The following RIMS1 variants were observed in gnomAD, a reference collection of about 807,000 sequenced individuals.
RIMS1 encodes the protein regulating synaptic membrane exocytosis protein 1.
RIMS1 carries 83 observed loss-of-function variants against 214.1 expected under a neutral mutation model. The ratio of observed to expected loss-of-function variants is 0.39; its 90% CI spans 0.32 to 0.47. The LOEUF is 0.47. RIMS1 is among the 20% of genes least tolerant of loss of function. The pLI is 0.99. For missense variants in RIMS1, 2,050 were observed against 2,161.8 expected (o/e 0.95, Z 1.03); for synonymous variants, 793 against 786.8 (o/e 1.01, Z -0.13).
At chr6:71,947,275 T>C (rs923942786) in intron 1 of RIMS1, among the ~76,000 whole-genome samples, 4 of 152,116 alleles carry the variant, frequency 2.6e-5, no homozygotes, top group African/African-American at 9.6e-5. Flanking sequence ...GAAACATTAT[T>C]CACAATAGCC....
chr6:72,248,811 T>C (rs1292813452), intron 12 of RIMS1, among the ~76,000 whole-genome samples: 2 of 151,688 alleles, frequency 1.3e-5, no homozygotes, highest in Non-Finnish European at 2.9e-5. Flanking sequence ...TGTGGTTTTC[T>C]CTTGATTTTA....
At chr6:72,085,661 A>G (rs756510691) in intron 2 of RIMS1, among the ~76,000 whole-genome samples, 4 of 152,154 alleles carry the variant, frequency 2.6e-5, no homozygotes, top group Non-Finnish European at 4.4e-5. Context: ...AATTTGCACC[A>G]GAACTACTAA....
At chr6:72,254,597 C>A (rs2074992095) in intron 16 of RIMS1, among the ~76,000 whole-genome samples, 1 of 152,172 alleles carries the variant, frequency 6.6e-6, no homozygotes, top group African/African-American at 2.4e-5. Context: ...TCCCAAATTT[C>A]ATTCACCTGA....
Position 72,182,590 on chromosome 6 carries a change from G to C in RIMS1, c.1119G>C (p.Gln373His). Reference sequence around the variant, plus strand: ...CGGTGAAACCGCCGCCTGAGGAGCAGCAGATGCGCATGCACGCCCGGGTGT... The same window carrying C: ...CGGTGAAACCGCCGCCTGAGGAGCACCAGATGCGCATGCACGCCCGGGTGT... ...RYPVKPPPEE[Q>H]QMRMHARVSR... The change falls in exon 6 of 34, where the codon CAG becomes CAC. Residue 373 changes from glutamine to histidine, a missense_variant. Physicochemically the swap from Gln to His is conservative, Grantham distance 24. This residue lies in a region of RIMS1 where 882 missense variants were observed against 828.9 expected (regional missense o/e 1.06). Coordinates refer to ENST00000521978, the MANE Select transcript of RIMS1 (RefSeq NM_014989.7). The C allele has an allele frequency of 1.3e-6, 2 of 1,548,974 alleles. No individual in the cohort carries two copies. Among genetic ancestry groups the C allele is most frequent in the Non-Finnish European group, 1.7e-6 (2 of 1,147,010 alleles).
chr6:72,216,709 G>C (rs2056208580), intron 6 of RIMS1: 3 of 985,216 alleles, frequency 3.0e-6, no homozygotes, highest in South Asian at 9.4e-5. Flanking sequence ...CCCAGTGAGT[G>C]TCAGTGGGAA....
intron 4 of RIMS1, among the ~76,000 whole-genome samples, chr6:72,106,081 AG>A (rs1350069281): frequency 6.6e-6 from 1 of 152,186 alleles, no homozygotes; most frequent in African/African-American, 2.4e-5. Context: ...GGCCTTACTA[AG>A]GCATTTAACA....
intron 4 of RIMS1, among the ~76,000 whole-genome samples, chr6:72,143,506 G>A (rs1343778384): frequency 6.6e-6 from 1 of 152,076 alleles, no homozygotes; most frequent in South Asian, 2.1e-4. Context: ...GATCTTGGTG[G>A]AAGTCAGGAT....
At chr6:72,276,529 A>G (rs1238368110) in intron 23 of RIMS1, among the ~76,000 whole-genome samples, 1 of 152,018 alleles carries the variant, frequency 6.6e-6, no homozygotes, top group East Asian at 1.9e-4. Context: ...ACCAGAAATG[A>G]TCCTTTTAGA....
chr6:72,237,917 G>A lies in RIMS1; in HGVS notation c.1952G>A (p.Arg651Lys). 6.2e-7 allele frequency: 1 copy of A among 1,603,674 alleles called. No individual in the cohort carries two copies. Among genetic ancestry groups the A allele is most frequent in the Non-Finnish European group, 8.5e-7 (1 of 1,175,448 alleles). ...CTAGCAGATGTAGTTGGACACCTAA[G>A]AGCAGGTAAAGTTTCTTTTTTTAAT... ...GSLADVVGHL[R>K]AGDEVLEWNG... The change falls in exon 9 of 34, where the codon AGA (arginine) becomes AAA (lysine). Residue 651 changes from arginine to lysine, a missense_variant. Arg to Lys is a conservative substitution (Grantham distance 26). Coordinates refer to ENST00000521978, the MANE Select transcript of RIMS1 (RefSeq NM_014989.7).
chr6:71,907,663 C>T (rs1327981692), intron 1 of RIMS1, among the ~76,000 whole-genome samples: 1 of 152,006 alleles, frequency 6.6e-6, no homozygotes, highest in Admixed American at 6.6e-5. Flanking sequence ...AAAAATAATC[C>T]AATGTGTAAT....
At chr6:72,145,011 AG>A (rs1194769296) in intron 4 of RIMS1, among the ~76,000 whole-genome samples, 4 of 151,920 alleles carry the variant, frequency 2.6e-5, no homozygotes, top group Non-Finnish European at 4.4e-5. Flanking sequence ...CAGCCTCCTG[AG>A]TAGCATAATT....
At chr6:72,026,513 C>G (rs1585159955) in intron 2 of RIMS1, among the ~76,000 whole-genome samples, 1 of 130,512 alleles carries the variant, frequency 7.7e-6, no homozygotes, top group Admixed American at 9.3e-5. Context: ...AAGAATCTAC[C>G]AATGTGGAGT....
intron 29 of RIMS1, among the ~76,000 whole-genome samples, chr6:72,352,826 G>T (rs1238856505): frequency 6.6e-6 from 1 of 152,008 alleles, no homozygotes; most frequent in Non-Finnish European, 1.5e-5. Context: ...AGATGCTGGG[G>T]ATGGGACCCG....
intron 24 of RIMS1, among the ~76,000 whole-genome samples, chr6:72,290,254 A>C (rs115637349): frequency 0.074 from 11,200 of 152,270 alleles, 478 homozygotes; most frequent in Non-Finnish European, 0.1. Context: ...TTCTTCTTGA[A>C]GGCAAGCACT....
At chr6:72,125,731 G>A (rs976061388) in intron 4 of RIMS1, among the ~76,000 whole-genome samples, 15 of 152,330 alleles carry the variant, frequency 9.8e-5, no homozygotes, top group African/African-American at 3.6e-4. Context: ...CCACCTCGCA[G>A]TTGGATCTCA....
At chr6:72,325,204 A>T (rs1307602494) in intron 28 of RIMS1, among the ~76,000 whole-genome samples, 1 of 151,788 alleles carries the variant, frequency 6.6e-6, no homozygotes, top group Non-Finnish European at 1.5e-5. Context: ...ACATTACAAG[A>T]TAGAAAAAAT....
intron 9 of RIMS1, among the ~76,000 whole-genome samples, chr6:72,241,846 G>T (rs2067062762): frequency 6.6e-6 from 1 of 152,140 alleles, no homozygotes; most frequent in South Asian, 2.1e-4. Context: ...GGAAATTCAT[G>T]CTAACAAATA....
intron 23 of RIMS1, among the ~76,000 whole-genome samples, chr6:72,282,900 A>T (rs1563521196): frequency 6.6e-6 from 1 of 152,000 alleles, no homozygotes; most frequent in Non-Finnish European, 1.5e-5. Context: ...CACAGCTGAA[A>T]CCCTGAATTG....
intron 4 of RIMS1, among the ~76,000 whole-genome samples, chr6:72,112,846 G>C (rs1422074038): frequency 1.3e-5 from 2 of 152,104 alleles, no homozygotes; most frequent in Admixed American, 6.6e-5. Context: ...GTAGAAAAGG[G>C]GGACTTTAAC....
Sources: allele counts gnomAD v4.1 joint callset (sites outside exome capture counted in the v4.1 genomes callset), GRCh38; gene constraint gnomAD v4.1.1; regional missense constraint gnomAD v4.1.1; transcripts MANE v1.5; gene names NCBI Gene and HGNC (gene_info 2026-07-23, HGNC 2026-07-21).